Variants in XKR9 observed in about 807,000 individuals in gnomAD.
XKR9 encodes the protein XK related 9.
XKR9 carries 32 observed loss-of-function variants against 32.0 expected under a neutral mutation model. That is an observed-to-expected ratio of 1.00 (90% CI 0.76 to 1.34). XKR9 has a LOEUF of 1.34. Ranked by LOEUF, XKR9 falls within the 40% of genes most tolerant of loss-of-function variation. XKR9 has a pLI of 0.00. For missense variants in XKR9, 546 were observed against 429.7 expected (o/e 1.27, Z -2.39); for synonymous variants, 168 against 143.4 (o/e 1.17, Z -1.22).
intron 2 of XKR9, among the ~76,000 whole-genome samples, chr8:70,757,801 G>C (rs946783210): frequency 1.3e-5 from 2 of 152,034 alleles, no homozygotes; most frequent in African/African-American, 4.8e-5. Flanking sequence ...TGGTCAGGCT[G>C]GTCTCGAACT....
the XKR9 span, among the ~76,000 whole-genome samples, chr8:70,880,451 A>C: frequency 3.0e-4 from 46 of 152,326 alleles, no homozygotes; most frequent in South Asian, 9.1e-3. Context: ...AATGTGCAAA[A>C]ATCACAAGCA....
chr8:70,681,303 A>G lies in XKR9; in HGVS notation c.245A>G (p.His82Arg). ...QESQHCFLLL[H>R]CLQGGVFTRY... ...AGTCAGCATTGTTTTCTTCTACTTC[A>G]TTGCTTGCAAGGAGGAGTTTTTACA... Residue 82 changes from histidine to arginine, a missense_variant, in exon 3 of 5, where the codon CAT becomes CGT. Coordinates refer to ENST00000408926, the MANE Select transcript of XKR9 (RefSeq NM_001011720.2). 1 of 1,612,648 alleles carries G rather than the reference A, an allele frequency of 6.2e-7. No homozygotes were observed. Among genetic ancestry groups the G allele is most frequent in the South Asian group, 1.1e-5 (1 of 90,940 alleles).
chr8:70,708,461 G>A (rs1000933775), intron 4 of XKR9, among the ~76,000 whole-genome samples: 2 of 152,138 alleles, frequency 1.3e-5, no homozygotes, highest in South Asian at 2.1e-4. Context: ...AACAATAGAG[G>A]AATTGGTAAA....
chr8:70,685,011 C>T (rs912816298), intron 3 of XKR9, among the ~76,000 whole-genome samples: 3 of 146,158 alleles, frequency 2.1e-5, no homozygotes, highest in African/African-American at 5.0e-5. Flanking sequence ...ACCCAAAGGA[C>T]TATAAATCAT....
intron 2 of XKR9, among the ~76,000 whole-genome samples, chr8:70,768,144 G>T (rs1807403762): frequency 1.3e-5 from 2 of 152,118 alleles, no homozygotes; most frequent in African/African-American, 2.4e-5. Context: ...TGGTTTCAAA[G>T]AACTTATTTA....
At chr8:70,932,304 A>G in the XKR9 span, among the ~76,000 whole-genome samples, 1 of 152,102 alleles carries the variant, frequency 6.6e-6, no homozygotes, top group Non-Finnish European at 1.5e-5. Flanking sequence ...GTGAGATAGG[A>G]TATGGAGTAG....
chr8:70,975,273 T>C, the XKR9 span, among the ~76,000 whole-genome samples: 1 of 152,256 alleles, frequency 6.6e-6, no homozygotes, highest in Admixed American at 6.5e-5. Context: ...ATTTTGGCTT[T>C]TGTTGCCATT....
intron 4 of XKR9, among the ~76,000 whole-genome samples, chr8:70,727,988 T>C (rs901406606): frequency 6.6e-6 from 1 of 152,182 alleles, no homozygotes; most frequent in Non-Finnish European, 1.5e-5. Context: ...TAAACTATAA[T>C]TTCTAATCTC....
chr8:70,924,111 T>C, the XKR9 span, among the ~76,000 whole-genome samples: 2 of 152,200 alleles, frequency 1.3e-5, no homozygotes, highest in Non-Finnish European at 2.9e-5. Flanking sequence ...TCACAGAATT[T>C]CTGAATATGT....
the XKR9 span, among the ~76,000 whole-genome samples, chr8:71,049,798 A>C: frequency 6.6e-5 from 10 of 152,190 alleles, no homozygotes; most frequent in Admixed American, 6.5e-4. Context: ...AAAGAGAGAA[A>C]AATGGGAGGG....
chr8:70,781,020 C>T (rs759362517), intron 2 of XKR9: 6 of 152,028 alleles, frequency 3.9e-5, no homozygotes, highest in Non-Finnish European at 8.8e-5. Flanking sequence ...TTCTCTTCCT[C>T]ACTATCCTCG....
the XKR9 span, among the ~76,000 whole-genome samples, chr8:70,834,818 T>C: frequency 6.6e-6 from 1 of 152,130 alleles, no homozygotes; most frequent in South Asian, 2.1e-4. Flanking sequence ...CCAGTGTTGC[T>C]TAGAACTAGT....
downstream of XKR9, among the ~76,000 whole-genome samples, chr8:70,736,948 C>T (rs376155621): frequency 4.6e-4 from 68 of 147,270 alleles, no homozygotes; most frequent in Admixed American, 6.0e-4. Flanking sequence ...CTCGGCGATG[C>T]GGGCTCTTTT....
At chr8:70,834,049 G>A in the XKR9 span, among the ~76,000 whole-genome samples, 8 of 152,082 alleles carry the variant, frequency 5.3e-5, no homozygotes, top group Non-Finnish European at 1.0e-4. Flanking sequence ...TACTAAAGAC[G>A]GTCCAAACTC....
downstream of XKR9, among the ~76,000 whole-genome samples, chr8:70,790,811 G>A (rs762781671): frequency 5.3e-5 from 8 of 152,052 alleles, no homozygotes; most frequent in South Asian, 1.0e-3. Context: ...TATTAGCAAC[G>A]GAAATTTATT....
chr8:70,780,745 A>G (rs1356677740), intron 2 of XKR9, among the ~76,000 whole-genome samples: 2 of 152,126 alleles, frequency 1.3e-5, no homozygotes, highest in Non-Finnish European at 2.9e-5. Flanking sequence ...CCAGAAAACT[A>G]ATATACTTGG....
At chr8:70,888,648 T>C in the XKR9 span, among the ~76,000 whole-genome samples, 6 of 151,988 alleles carry the variant, frequency 3.9e-5, no homozygotes, top group Admixed American at 3.3e-4. Flanking sequence ...GAGATAGGGG[T>C]CTACTTTAAT....
At chr8:70,687,312 CTCTTTCTT>C (rs57039682) in intron 3 of XKR9, among the ~76,000 whole-genome samples, 2,879 of 138,336 alleles carry the variant, frequency 0.021, 53 homozygotes, top group Middle Eastern at 0.053. Flanking sequence ...TCTCTCCTCC[CTCTTTCTT>C]TCTTTCTTTC....
the XKR9 span, among the ~76,000 whole-genome samples, chr8:70,887,002 G>C: frequency 6.6e-6 from 1 of 151,782 alleles, no homozygotes; most frequent in Non-Finnish European, 1.5e-5. Flanking sequence ...TATTCTTACA[G>C]AATGTTCTGA....
Sources: gnomAD v4.1 joint callset for allele counts (sites outside exome capture counted in the v4.1 genomes callset) on GRCh38, gnomAD v4.1.1 for gene constraint, MANE v1.5 for transcripts, NCBI Gene and HGNC (gene_info 2026-07-23, HGNC 2026-07-21) for gene names.